Variants in HSPA4 observed in about 807,000 individuals in gnomAD.
HSPA4 encodes heat shock 70 kDa protein 4.
HSPA4 carries 25 observed loss-of-function variants against 106.2 expected under a neutral mutation model. The ratio of observed to expected loss-of-function variants is 0.24; its 90% CI spans 0.17 to 0.33. The LOEUF (loss-of-function observed/expected upper bound fraction) is 0.33, where lower values mean the gene tolerates loss of function less well. Among genes scored for constraint, HSPA4 ranks in the 10% least tolerant of loss-of-function variants. HSPA4 has a pLI of 1.00. For missense variants in HSPA4, 841 were observed against 996.0 expected, an observed-to-expected ratio of 0.84 and a Z score of 2.10; for synonymous variants, 332 against 333.6, an observed-to-expected ratio of 1.00 and a Z score of 0.05.
intron 7 of HSPA4, among the ~76,000 whole-genome samples, chr5:133,077,226 A>G (rs187873989): frequency 6.6e-6 from 1 of 152,302 alleles, no homozygotes; most frequent in East Asian, 1.9e-4. Flanking sequence ...TAATTTACCC[A>G]GTGACTAAGA....
intron 1 of HSPA4, among the ~76,000 whole-genome samples, chr5:133,062,507 C>T (rs1434621009): frequency 6.6e-6 from 1 of 151,940 alleles, no homozygotes; most frequent in Non-Finnish European, 1.5e-5. Context: ...TTGCCTTGGG[C>T]AATTTCCTAA....
At chr5:133,054,777 G>C (rs899124206) in intron 1 of HSPA4, among the ~76,000 whole-genome samples, 7 of 152,054 alleles carry the variant, frequency 4.6e-5, no homozygotes, top group Admixed American at 3.9e-4. Context: ...TAGTATTTGA[G>C]AATATCTTTG....
At chr5:133,068,053 T>C (rs1765331044) in intron 3 of HSPA4, among the ~76,000 whole-genome samples, 1 of 151,960 alleles carries the variant, frequency 6.6e-6, no homozygotes, top group African/African-American at 2.4e-5. Context: ...CCACCATGCC[T>C]GGGTAGTTTT....
intron 13 of HSPA4, among the ~76,000 whole-genome samples, chr5:133,094,204 T>C (rs1470311909): frequency 6.6e-6 from 1 of 152,256 alleles, no homozygotes; most frequent in Non-Finnish European, 1.5e-5. Flanking sequence ...TTACAACCTA[T>C]TCTTTAATTT....
At chr5:133,073,938 A>G in intron 5 of HSPA4, 55 bp from the exon 6 acceptor site, 1 of 1,309,992 alleles carries the variant, frequency 7.6e-7, no homozygotes, top group East Asian at 2.5e-5. Flanking sequence ...TCCTGCTTAA[A>G]TGAATTTTAT....
At position 133,092,806 on chromosome 5, in the gene HSPA4, G is replaced by GTTTTTTT. The variant is rs57230598; in HGVS notation, c.1650+43_1650+49dup. ...GAAATGGAGGTATGCATTGGGTGGT[G>GTTTTTTT]TTTTTTTTTTTTTTTTTTTTTTTTT... On this transcript the variant is annotated intron_variant, in intron 13 of 18. Coordinates refer to ENST00000304858, the MANE Select transcript of HSPA4 (RefSeq NM_002154.4). The GTTTTTTT allele has an allele frequency of 1.5e-4, 72 of 474,000 alleles. 5 individuals carry two copies. In the African/African-American group the frequency reaches 1.7e-3, roughly 11 times the overall value. 29.4% of individuals were successfully genotyped at this position (474,000 alleles called of 1,614,324 possible). A position where few individuals can be genotyped will look rare whatever the true frequency, so the allele number is the denominator to read the frequency against.
chr5:133,099,819 C>T (rs926364250), intron 16 of HSPA4, among the ~76,000 whole-genome samples, 167 bp downstream of exon 16: 3 of 152,086 alleles, frequency 2.0e-5, no homozygotes, highest in Non-Finnish European at 4.4e-5. Flanking sequence ...ACTTTTAGAA[C>T]CTTGTAATAA....
chr5:133,083,205 C>A (rs1201322046), intron 7 of HSPA4, among the ~76,000 whole-genome samples: 1 of 148,962 alleles, frequency 6.7e-6, no homozygotes, highest in African/African-American at 2.5e-5. Flanking sequence ...CCAGCTACTC[C>A]GGAGGCTGAG....
chr5:133,078,286 C>T (rs111289758), intron 7 of HSPA4, among the ~76,000 whole-genome samples: 3,424 of 150,564 alleles, frequency 0.023, 127 homozygotes, highest in African/African-American at 0.076. Flanking sequence ...GAGCTGAGAT[C>T]GCACCACTGC....
rs114471317 is a variant in HSPA4, at chr5:133,086,580, G to A, written c.909-202G>A. ...CTGAATCATATGCTAACTCTCTAAC[G>A]TCTTGAGGAACTGCCAAACACTTTT... On this transcript the variant is annotated intron_variant, in intron 7 of 18. Transcript: ENST00000304858. Among the ~76,000 whole-genome samples, 42 of 152,258 alleles carry A rather than the reference G, an allele frequency of 2.8e-4. 1 individual carries two copies. The East Asian group carries it at 7.3e-3, about 27-fold the overall frequency.
At chr5:133,087,857 C>T (rs868430399) in intron 8 of HSPA4, among the ~76,000 whole-genome samples, 5 of 152,182 alleles carry the variant, frequency 3.3e-5, no homozygotes, top group African/African-American at 1.2e-4. Flanking sequence ...CTCCTGACCT[C>T]AGGTGATCCG....
In HSPA4 at chr5:133,092,804, G is replaced by GT. The variant is rs1765662227; in HGVS notation, c.1650+16dup. ...AAGAAATGGAGGTATGCATTGGGTG[G>GT]TGTTTTTTTTTTTTTTTTTTTTTTT... On this transcript the variant is annotated intron_variant, in intron 13 of 18. Transcript: ENST00000304858. 5 of 717,696 alleles carry GT rather than the reference G, an allele frequency of 7.0e-6. No individual in the cohort carries two copies. Among genetic ancestry groups the GT allele is most frequent in the East Asian group, 3.4e-5 (1 of 29,072 alleles). 44.5% of individuals were successfully genotyped at this position (717,696 alleles called of 1,614,324 possible).
At position 133,067,612 on chromosome 5, in the gene HSPA4, G is replaced by A. The variant is rs1429286998; in HGVS notation, c.306+55G>A. ...TAAAATGCATTATTATATTTTATCA[G>A]TTCAATATCTATCTGTACTTTTCTG... On this transcript the variant is annotated intron_variant, in intron 3 of 18. Transcript: ENST00000304858. 2.3e-5 allele frequency: 32 copies of A among 1,390,810 alleles called. No individual in the cohort carries two copies. The East Asian group carries it at 7.2e-4, about 31-fold the overall frequency. 86.2% of individuals were successfully genotyped at this position (1,390,810 alleles called of 1,614,324 possible).
chr5:133,083,594 A>G (rs1002800766), intron 7 of HSPA4, among the ~76,000 whole-genome samples: 1 of 151,788 alleles, frequency 6.6e-6, no homozygotes, highest in African/African-American at 2.4e-5. Context: ...CTGGAGTGCA[A>G]TGGCATGATT....
At chr5:133,056,911 G>C (rs1171766949) in intron 1 of HSPA4, among the ~76,000 whole-genome samples, 1 of 152,062 alleles carries the variant, frequency 6.6e-6, no homozygotes, top group Admixed American at 6.5e-5. Flanking sequence ...ATAGTGCTCA[G>C]AATAATGCCT....
Position 133,091,389 on chromosome 5 carries a change from G to A in HSPA4, c.1560+15G>A, listed in dbSNP as rs1561584680. On this transcript the variant is annotated intron_variant, in intron 12 of 18. Transcript: ENST00000304858. The stretch of plus-strand genomic sequence containing the variant: ...AGGAGGAAGAGGTAATCTAGACATT[G>A]TATACCACTTGTGATGGCCCAGAGG... 1 of 1,596,682 alleles carries A rather than the reference G, an allele frequency of 6.3e-7. No homozygotes were observed. The highest frequency in any genetic ancestry group is 1.3e-5 in the African/African-American group (1 of 74,482).
intron 7 of HSPA4, among the ~76,000 whole-genome samples, chr5:133,080,061 T>C (rs1055196102): frequency 6.6e-6 from 1 of 152,306 alleles, no homozygotes; most frequent in East Asian, 1.9e-4. Context: ...GCATAGTTTT[T>C]AGATATTTGT....
chr5:133,085,489 T>TTAAAA (rs1554089513), intron 7 of HSPA4, among the ~76,000 whole-genome samples: 1 of 110,286 alleles, frequency 9.1e-6, no homozygotes, highest in African/African-American at 5.0e-5. Context: ...CCATCTCTAC[T>TTAAAA]AAAAAAAAAA....
At position 133,064,854 on chromosome 5, in the gene HSPA4, C is replaced by A. The variant is rs1223479937; in HGVS notation, c.108-126C>A. ...GGACAGATTTACTCAATAGAAAGGT[C>A]AAAATCATAGATTTGTACCATTAAA... On this transcript the variant is annotated intron_variant, in intron 1 of 18. Coordinates refer to ENST00000304858, the MANE Select transcript of HSPA4 (RefSeq NM_002154.4). 7.0e-6 allele frequency: 6 copies of A among 859,142 alleles called. No homozygotes were observed. The East Asian group carries it at 1.5e-4, about 21-fold the overall frequency. The allele number at this position is 859,142 out of a possible 1,614,324, so 53.2% of individuals were successfully genotyped here.
Sources: allele counts gnomAD v4.1 joint callset (sites outside exome capture counted in the v4.1 genomes callset), GRCh38; gene constraint gnomAD v4.1.1; transcripts MANE v1.5; gene names NCBI Gene and HGNC (gene_info 2026-07-23, HGNC 2026-07-21).